ANXA8: variants seen among roughly 807,000 people sequenced by gnomAD.
ANXA8 encodes annexin A8.
Under a neutral mutation model 26.8 loss-of-function variants are expected in ANXA8, and 9 were observed. The observed-to-expected ratio is 0.34, with a 90% CI of 0.20 to 0.59. The LOEUF (loss-of-function observed/expected upper bound fraction) is 0.59, where lower values mean the gene tolerates loss of function less well. ANXA8 is among the 20% of genes least tolerant of loss of function. The probability of loss-of-function intolerance (pLI) is 0.84; values close to 1 mark genes in which losing one functional copy is unlikely to be tolerated. For synonymous variants in ANXA8, 39 were observed against 94.8 expected, an observed-to-expected ratio of 0.41 and a Z score of 3.42; for missense variants, 83 against 238.5, an observed-to-expected ratio of 0.35 and a Z score of 4.29.
chr10:47,660,079 A>G, the ANXA8 span, among the ~76,000 whole-genome samples: 10 of 147,558 alleles, frequency 6.8e-5, no homozygotes, highest in East Asian at 1.9e-3. Context: ...TGAATGTAAT[A>G]GTGTTGTGAC....
At chr10:47,502,556 G>A in the ANXA8 span, 1 of 1,611,802 alleles carries the variant, frequency 6.2e-7, no homozygotes. Flanking sequence ...AGCTCAACTG[G>A]CCAGTCATCC....
the ANXA8 span, among the ~76,000 whole-genome samples, chr10:47,660,531 G>T: frequency 1.3e-5 from 2 of 151,866 alleles, no homozygotes; most frequent in Non-Finnish European, 2.9e-5. Context: ...CTCCCAAGGA[G>T]CTGGGATCAC....
chr10:47,489,260 C>A, the ANXA8 span, among the ~76,000 whole-genome samples: 2 of 142,584 alleles, frequency 1.4e-5, no homozygotes, highest in Non-Finnish European at 3.1e-5. Flanking sequence ...CCTCATGATC[C>A]GCCCTCCTCA....
chr10:47,716,600 A>G, the ANXA8 span, among the ~76,000 whole-genome samples: 1 of 92,236 alleles, frequency 1.1e-5, no homozygotes, highest in Admixed American at 1.1e-4. Context: ...TTGAATACAG[A>G]GATTTCATTC....
the ANXA8 span, among the ~76,000 whole-genome samples, chr10:47,743,405 T>TGTGTGTGTGTGAGA: frequency 3.6e-5 from 3 of 83,530 alleles, no homozygotes; most frequent in African/African-American, 4.9e-5. Context: ...TGTGTGTGTG[T>TGTGTGTGTGTGAGA]GAGAGAGAGA....
chr10:47,491,675 C>A, the ANXA8 span: 4 of 1,533,554 alleles, frequency 2.6e-6, no homozygotes, highest in South Asian at 1.2e-5. Flanking sequence ...CTCCCAGCAT[C>A]GTGTGGCAGC....
the ANXA8 span, among the ~76,000 whole-genome samples, chr10:47,739,035 C>T: frequency 6.7e-6 from 1 of 149,924 alleles, no homozygotes; most frequent in African/African-American, 2.4e-5. Flanking sequence ...CAGAGCATGT[C>T]CAGCTAGTCA....
the ANXA8 span, among the ~76,000 whole-genome samples, chr10:47,768,002 G>A: frequency 2.4e-4 from 34 of 142,368 alleles, 1 homozygote; most frequent in Admixed American, 2.4e-3. Context: ...TGTTAGCAAG[G>A]AGCTGAGCCG....
chr10:47,693,021 C>T, the ANXA8 span, among the ~76,000 whole-genome samples: 1 of 151,746 alleles, frequency 6.6e-6, no homozygotes, highest in Non-Finnish European at 1.5e-5. Context: ...AAGTGTGAGC[C>T]ACCGTGCCTG....
At position 47,482,244 on chromosome 10, in the gene ANXA8, C is replaced by T. The variant is rs1325084856; in HGVS notation, c.21+1669G>A. Among the ~76,000 whole-genome samples, 55 of 127,508 alleles carry T rather than the reference C, an allele frequency of 4.3e-4. 11 individuals are homozygous for T. In the South Asian group the frequency reaches 7.4e-3, roughly 17 times the overall value. 83.7% of individuals were successfully genotyped at this position (127,508 alleles called of 152,430 possible). On this transcript the variant is annotated intron_variant, in intron 1 of 11. Coordinates refer to ENST00000585281, the MANE Select transcript of ANXA8 (RefSeq NM_001040084.3). Reference sequence around the variant, plus strand: ...AGCCAGCTCTCACATGGGGTATGGACGACCAGGGTATGGTTTTGGCCCTGG... The same window carrying T: ...AGCCAGCTCTCACATGGGGTATGGATGACCAGGGTATGGTTTTGGCCCTGG...
chr10:47,524,163 C>T, the ANXA8 span, among the ~76,000 whole-genome samples: 52 of 148,418 alleles, frequency 3.5e-4, 1 homozygote, highest in South Asian at 8.6e-4. Flanking sequence ...GTTCATTCCT[C>T]GAAGCCAGCT....
chr10:47,743,349 TATATACACATATATATATATAC>T, the ANXA8 span, among the ~76,000 whole-genome samples: 778 of 80,104 alleles, frequency 9.7e-3, 45 homozygotes, highest in Non-Finnish European at 0.015. Flanking sequence ...TACATATATA[TATATACACATATATATATATAC>T]ATATATATGT....
At chr10:47,733,257 T>C in the ANXA8 span, among the ~76,000 whole-genome samples, 197 of 107,544 alleles carry the variant, frequency 1.8e-3, no homozygotes, top group African/African-American at 4.8e-3. Context: ...CTTTCTTTCT[T>C]TCTTTCTTTC....
chr10:47,733,187 T>TTCTTTCTCTCTCTCTCTC, the ANXA8 span, among the ~76,000 whole-genome samples: 2 of 94,308 alleles, frequency 2.1e-5, no homozygotes, highest in Admixed American at 1.1e-4. Flanking sequence ...CTTTCTTTCT[T>TTCTTTCTCTCTCTCTCTC]TCTTTCTTTC....
At chr10:47,553,842 C>G in the ANXA8 span, among the ~76,000 whole-genome samples, 1 of 149,172 alleles carries the variant, frequency 6.7e-6, no homozygotes, top group Non-Finnish European at 1.5e-5. Flanking sequence ...CGTGCAAAAG[C>G]CAGGAGACAC....
chr10:47,948,327 G>A, the ANXA8 span, among the ~76,000 whole-genome samples: 29 of 110,660 alleles, frequency 2.6e-4, no homozygotes, highest in African/African-American at 1.1e-3. Flanking sequence ...AGGAATGATG[G>A]ATGTTGGAAA....
chr10:47,709,435 A>G, the ANXA8 span, among the ~76,000 whole-genome samples: 1 of 150,972 alleles, frequency 6.6e-6, no homozygotes, highest in Non-Finnish European at 1.5e-5. Context: ...TTTAATCAGC[A>G]AAACTCATCA....
the ANXA8 span, among the ~76,000 whole-genome samples, chr10:47,510,615 G>A: frequency 1.3e-4 from 16 of 120,172 alleles, no homozygotes; most frequent in African/African-American, 5.2e-4. Context: ...CAGATCACGA[G>A]GTCAAGAGAT....
the ANXA8 span, among the ~76,000 whole-genome samples, chr10:47,561,116 TTA>T: frequency 2.0e-5 from 3 of 151,982 alleles, no homozygotes; most frequent in African/African-American, 7.3e-5. Context: ...AGATATATAT[TTA>T]TGAGGTACAA....
Sources: gnomAD v4.1 joint callset for allele counts (sites outside exome capture counted in the v4.1 genomes callset) on GRCh38, gnomAD v4.1.1 for gene constraint, MANE v1.5 for transcripts, NCBI Gene and HGNC (gene_info 2026-07-23, HGNC 2026-07-21) for gene names.